The following SLIT3 variants were observed in gnomAD, a reference collection of about 807,000 sequenced individuals.
SLIT3 encodes slit guidance ligand 3.
In SLIT3, 68 loss-of-function variants were observed where a neutral mutation model predicts 184.0. The observed-to-expected ratio is 0.37, with a 90% CI of 0.30 to 0.45. The LOEUF (loss-of-function observed/expected upper bound fraction) is 0.45. SLIT3 is among the 20% of genes least tolerant of loss of function. The probability of loss-of-function intolerance (pLI) is 1.00; values close to 1 mark genes in which losing one functional copy is unlikely to be tolerated. For missense variants in SLIT3, 1,707 were observed against 2,026.0 expected (o/e 0.84, Z 3.02); for synonymous variants, 831 against 828.6 (o/e 1.00, Z -0.05).
chr5:169,066,257 C>A (rs1253866752), intron 4 of SLIT3, among the ~76,000 whole-genome samples: 1 of 152,182 alleles, frequency 6.6e-6, no homozygotes, highest in African/African-American at 2.4e-5. Flanking sequence ...ATCCTATCTT[C>A]CCCTTTAGTA....
chr5:169,010,188 C>G (rs1215167035), intron 4 of SLIT3, among the ~76,000 whole-genome samples: 1 of 152,198 alleles, frequency 6.6e-6, no homozygotes. Context: ...TAGGCAAACA[C>G]AGGACCAGAG....
chr5:168,688,304 G>A (rs187864940), intron 29 of SLIT3, among the ~76,000 whole-genome samples: 42 of 152,338 alleles, frequency 2.8e-4, no homozygotes, highest in African/African-American at 9.4e-4. Flanking sequence ...CATGGCAGAA[G>A]GAGGTGACAA....
At chr5:169,094,348 G>A (rs2113211532) in intron 4 of SLIT3, among the ~76,000 whole-genome samples, 1 of 152,334 alleles carries the variant, frequency 6.6e-6, no homozygotes. Flanking sequence ...TATAGCCCAG[G>A]CCAGGTGTGT....
At chr5:169,147,152 C>T (rs2113358886) in intron 4 of SLIT3, among the ~76,000 whole-genome samples, 1 of 152,360 alleles carries the variant, frequency 6.6e-6, no homozygotes, top group East Asian at 1.9e-4. Flanking sequence ...AGGCTAGATA[C>T]ATCTTTGGGT....
intron 4 of SLIT3, among the ~76,000 whole-genome samples, chr5:169,052,039 C>T (rs1217196250): frequency 6.6e-6 from 1 of 151,986 alleles, no homozygotes; most frequent in Non-Finnish European, 1.5e-5. Flanking sequence ...AACCGGACAT[C>T]CCCAGCCCCC....
rs188016800 is a variant in SLIT3, at chr5:169,193,503, T to C, written c.389A>G (p.Gln130Arg). 122 of 1,614,096 alleles carry C rather than the reference T, an allele frequency of 7.6e-5. 1 individual carries two copies. The East Asian group carries it at 2.4e-3, about 32-fold the overall frequency. Residue 130 changes from glutamine (Q) to arginine (R), a missense_variant, in exon 4 of 36, where the codon CAG (glutamine) becomes CGG (arginine). This residue lies in a region of SLIT3 where 1,307 missense variants were observed against 1,511.6 expected (regional missense o/e 0.86). Transcript: ENST00000519560. ...KLQVLPELLF[Q>R]STPKLTRLDL... ...CAGTCTGGTGAGCTTCGGCGTGCTCTGGAAAAGCAATTCTGGAAGGACTTG... is the reference window on the plus strand; with the variant it reads ...CAGTCTGGTGAGCTTCGGCGTGCTCCGGAAAAGCAATTCTGGAAGGACTTG...
At position 168,684,116 on chromosome 5, in the gene SLIT3, CGT is replaced by C; in HGVS notation, c.3556-22_3556-21del. The C allele has an allele frequency of 6.4e-7, 1 of 1,563,944 alleles. No homozygotes were observed. The highest frequency in any genetic ancestry group is 8.7e-7 in the Non-Finnish European group (1 of 1,152,210). ...GGCCACCTGGAGAAAGCAGCCGGGG[CGT>C]GTTAGTAAGGGCTTACCTGAGACTG... is the stretch of plus-strand genomic sequence containing the variant. On this transcript the variant is annotated intron_variant, in intron 31 of 35. Transcript: ENST00000519560.
chr5:168,857,100 G>T (rs1426507207), intron 5 of SLIT3, among the ~76,000 whole-genome samples: 2 of 152,004 alleles, frequency 1.3e-5, no homozygotes, highest in Non-Finnish European at 2.9e-5. Flanking sequence ...GAAAACATCT[G>T]GGGGGCCCAC....
chr5:169,116,187 TATTATTGCAATAATTATTGCAGGGCAAAA>T (rs1455730226), intron 4 of SLIT3, among the ~76,000 whole-genome samples: 2 of 152,290 alleles, frequency 1.3e-5, no homozygotes, highest in Middle Eastern at 3.4e-3. Flanking sequence ...TTATTGTATT[TATTATTGCAATAATTATTGCAGGGCAAAA>T]AAATCATTAC....
intron 5 of SLIT3, among the ~76,000 whole-genome samples, chr5:168,858,183 A>G (rs1372331366): frequency 1.3e-5 from 2 of 152,254 alleles, no homozygotes; most frequent in East Asian, 3.8e-4. Context: ...TGCGGAACAC[A>G]GTCTCTGAAG....
intron 4 of SLIT3, among the ~76,000 whole-genome samples, chr5:169,073,674 G>A (rs1476974809): frequency 6.6e-6 from 1 of 151,970 alleles, no homozygotes; most frequent in East Asian, 1.9e-4. Flanking sequence ...TTCTTGCCCT[G>A]AGTTTACCTG....
intron 5 of SLIT3, among the ~76,000 whole-genome samples, chr5:168,855,825 C>A (rs905381990): frequency 6.6e-6 from 1 of 152,132 alleles, no homozygotes; most frequent in Non-Finnish European, 1.5e-5. Flanking sequence ...ACTCTCTTTG[C>A]CTAAACTGAC....
chr5:168,713,646 C>T (rs763997657), intron 23 of SLIT3, among the ~76,000 whole-genome samples: 5 of 152,164 alleles, frequency 3.3e-5, no homozygotes, highest in African/African-American at 1.2e-4. Context: ...GGAATAATAA[C>T]GAATGAATTT....
intron 18 of SLIT3, among the ~76,000 whole-genome samples, chr5:168,751,035 AGGGAGAGAGGCTAGG>A (rs1044458754): frequency 1.4e-5 from 2 of 141,996 alleles, no homozygotes; most frequent in Non-Finnish European, 3.1e-5. Flanking sequence ...CAAAGGTGGA[AGGGAGAGAGGCTAGG>A]GGGAGGGAGG....
intron 4 of SLIT3, among the ~76,000 whole-genome samples, chr5:169,091,845 C>T (rs1759598825): frequency 6.6e-6 from 1 of 152,164 alleles, no homozygotes; most frequent in South Asian, 2.1e-4. Context: ...ATGGGCTGGG[C>T]CAAGGTCCTT....
chr5:168,680,144 C>T (rs1761539570), intron 32 of SLIT3, among the ~76,000 whole-genome samples: 1 of 152,254 alleles, frequency 6.6e-6, no homozygotes. Context: ...CTTTAGGCTA[C>T]TGTAGCCCCC....
Position 169,243,496 on chromosome 5 carries a change from A to G in SLIT3, c.341+1209T>C, listed in dbSNP as rs144519818. Among the ~76,000 whole-genome samples, 176 of 152,364 alleles carry G rather than the reference A, an allele frequency of 1.2e-3. 1 individual carries two copies. The highest frequency in any genetic ancestry group is 4.2e-3 in the African/African-American group (176 of 41,576). ...ATTTTCAAACCAACACCAGCAGAAC[A>G]TATGCTGGGATTTGACCCAGAAGGA... On this transcript the variant is annotated intron_variant, in intron 3 of 35. Transcript: ENST00000519560.
chr5:168,869,128 G>T (rs1294874717), intron 5 of SLIT3, among the ~76,000 whole-genome samples: 3 of 152,184 alleles, frequency 2.0e-5, no homozygotes, highest in Admixed American at 2.0e-4. Flanking sequence ...CAGAGAAGCT[G>T]GAAATCCAGA....
chr5:168,671,550 A>G, intron 33 of SLIT3, 67 bp from the exon 34 acceptor site: 1 of 1,509,790 alleles, frequency 6.6e-7, no homozygotes, highest in East Asian at 2.3e-5. Context: ...CCTCAGAGCG[A>G]AAAAGCACTT....
Sources: gnomAD v4.1 joint callset for allele counts (sites outside exome capture counted in the v4.1 genomes callset) on GRCh38, gnomAD v4.1.1 for gene constraint, gnomAD v4.1.1 regional missense constraint, MANE v1.5 for transcripts, NCBI Gene and HGNC (gene_info 2026-07-23, HGNC 2026-07-21) for gene names.